PARL: variants seen among roughly 807,000 people sequenced by gnomAD.
PARL encodes presenilin associated rhomboid like.
PARL carries 44 observed loss-of-function variants against 51.6 expected under a neutral mutation model. The observed-to-expected ratio is 0.85, with a 90% CI of 0.67 to 1.10. The LOEUF (loss-of-function observed/expected upper bound fraction) is 1.10. PARL is among the 50% of genes least tolerant of loss of function. The probability of loss-of-function intolerance (pLI) is 0.00; values close to 1 mark genes in which losing one functional copy is unlikely to be tolerated. For synonymous variants in PARL, 172 were observed against 164.0 expected (o/e 1.05, Z -0.37); for missense variants, 441 against 469.5 (o/e 0.94, Z 0.56).
chr3:183,838,938 T>C (rs13088984), intron 7 of PARL, among the ~76,000 whole-genome samples: 6,823 of 152,326 alleles, frequency 0.045, 210 homozygotes, highest in East Asian at 0.079. Flanking sequence ...TAGATGTGTG[T>C]ATGTTTTCTC....
downstream of PARL, among the ~76,000 whole-genome samples, chr3:183,826,985 G>A (rs1469661850): frequency 6.6e-6 from 1 of 152,168 alleles, no homozygotes; most frequent in Non-Finnish European, 1.5e-5. Context: ...AAGTGTAATT[G>A]AACTGACAAG....
In PARL at chr3:183,851,113, T is replaced by C. The variant is rs147077454; in HGVS notation, c.512-6787A>G. Among the ~76,000 whole-genome samples, 723 of 152,322 alleles carry C rather than the reference T, an allele frequency of 4.7e-3. 7 individuals are homozygous for C. Among genetic ancestry groups the C allele is most frequent in the African/African-American group, 0.016 (670 of 41,572 alleles). On this transcript the variant is annotated intron_variant, in intron 4 of 9. Transcript: ENST00000317096. ...GGATAGCCATAAGCACAGAATGAGT[T>C]TGGACCCCTATCTCAAATCTCAAAT... is the stretch of plus-strand genomic sequence containing the variant.
chr3:183,836,938 A>G (rs575054157), intron 7 of PARL, among the ~76,000 whole-genome samples: 1 of 152,156 alleles, frequency 6.6e-6, no homozygotes, highest in Non-Finnish European at 1.5e-5. Context: ...ATGGGGTTCC[A>G]CCATGTTGGC....
Position 183,829,452 on chromosome 3 carries a change from CGGACTGGG to C in PARL, c.*138_*145del. 6.3e-7 allele frequency: 1 copy of C among 1,593,224 alleles called. No homozygotes were observed. ...TCATCATTCACATTCTAAAAAGACA[CGGACTGGG>C]GGACACAGCTGAAAACAGTGGGAGG... On this transcript the variant is annotated 3_prime_UTR_variant, in exon 10 of 10. Transcript: ENST00000317096.
intron 9 of PARL, among the ~76,000 whole-genome samples, chr3:183,832,375 C>A (rs1048152276): frequency 6.6e-6 from 1 of 151,998 alleles, no homozygotes; most frequent in Non-Finnish European, 1.5e-5. Flanking sequence ...CCCGCCACCA[C>A]GCCCGGCTAA....
intron 9 of PARL, among the ~76,000 whole-genome samples, chr3:183,832,539 A>AT (rs538278837): frequency 1.1e-3 from 161 of 152,210 alleles, no homozygotes; most frequent in African/African-American, 3.8e-3. Flanking sequence ...TTTCTTTTTA[A>AT]TAAAAAAAAA....
At chr3:183,884,547 G>C (rs1734900589) in intron 1 of PARL, among the ~76,000 whole-genome samples, 175 bp downstream of exon 1, 1 of 152,210 alleles carries the variant, frequency 6.6e-6, no homozygotes, top group Non-Finnish European at 1.5e-5. Context: ...GGCTGGGCAA[G>C]GGGAGCGAGA....
At chr3:183,857,703 T>C (rs778240317) in intron 4 of PARL, among the ~76,000 whole-genome samples, 6 of 152,204 alleles carry the variant, frequency 3.9e-5, no homozygotes, top group Non-Finnish European at 7.3e-5. Context: ...TCTGCTACCA[T>C]GCATATTTAT....
At chr3:183,857,423 T>C (rs1577341051) in intron 4 of PARL, among the ~76,000 whole-genome samples, 1 of 152,236 alleles carries the variant, frequency 6.6e-6, no homozygotes, top group East Asian at 1.9e-4. Context: ...AAAAAGAATG[T>C]AACAAACCTA....
chr3:183,857,857 G>T (rs1731344875), intron 4 of PARL, among the ~76,000 whole-genome samples: 1 of 152,286 alleles, frequency 6.6e-6, no homozygotes, highest in Admixed American at 6.5e-5. Flanking sequence ...AGGCAGTGTG[G>T]TTTATCAGAA....
At position 183,860,588 on chromosome 3, in the gene PARL, G is replaced by C. The variant is rs1731699708; in HGVS notation, c.511+2165C>G. On this transcript the variant is annotated intron_variant, in intron 4 of 9. Coordinates refer to ENST00000317096, the MANE Select transcript of PARL (RefSeq NM_018622.7). ...CTGATTTGATTTCAAAAAAGAAAAA[G>C]ACTAGGGGGAAAGAATTCTGATTTT... 2.0e-5 allele frequency among the ~76,000 whole-genome samples: 3 copies of C among 152,138 alleles called. No individual in the cohort carries two copies. In the South Asian group the frequency reaches 6.2e-4, roughly 31 times the overall value.
chr3:183,856,281 A>G (rs1277216171), intron 4 of PARL, among the ~76,000 whole-genome samples: 1 of 152,146 alleles, frequency 6.6e-6, no homozygotes, highest in East Asian at 1.9e-4. Flanking sequence ...AGCTATTCAC[A>G]GATCCCCTCT....
intron 1 of PARL, among the ~76,000 whole-genome samples, chr3:183,869,831 TC>T (rs1732967169): frequency 6.6e-6 from 1 of 152,138 alleles, no homozygotes; most frequent in Non-Finnish European, 1.5e-5. Context: ...TATTTCCAAC[TC>T]TATACTGAAT....
At chr3:183,859,509 G>T (rs1731560368) in intron 4 of PARL, among the ~76,000 whole-genome samples, 1 of 152,018 alleles carries the variant, frequency 6.6e-6, no homozygotes, top group African/African-American at 2.4e-5. Flanking sequence ...AGCTAATTTT[G>T]TATTTTTAGT....
intron 1 of PARL, among the ~76,000 whole-genome samples, chr3:183,870,438 C>CTGT (rs1196928136): frequency 4.6e-5 from 7 of 151,814 alleles, no homozygotes; most frequent in Non-Finnish European, 1.0e-4. Context: ...ACACTTTAAC[C>CTGT]TGTTGCATGT....
At chr3:183,828,275 A>G (rs1560361058), downstream of PARL, among the ~76,000 whole-genome samples, 1 of 152,228 alleles carries the variant, frequency 6.6e-6, no homozygotes, top group East Asian at 1.9e-4. Flanking sequence ...GATGTGAATT[A>G]ATGTTGGGCT....
chr3:183,828,792 A>G (rs1281253338), downstream of PARL, among the ~76,000 whole-genome samples: 4 of 152,196 alleles, frequency 2.6e-5, no homozygotes, highest in Non-Finnish European at 5.9e-5. Context: ...TGAAGCCATC[A>G]AAAGACTAAA....
At chr3:183,877,501 T>C (rs1301496416) in intron 1 of PARL, among the ~76,000 whole-genome samples, 7 of 152,206 alleles carry the variant, frequency 4.6e-5, no homozygotes, top group Admixed American at 3.3e-4. Flanking sequence ...GATAAAATGC[T>C]ATCAGACAGC....
chr3:183,881,121 ATTTT>A (rs10589229), intron 1 of PARL, among the ~76,000 whole-genome samples: 120 of 139,610 alleles, frequency 8.6e-4, no homozygotes, highest in Middle Eastern at 3.7e-3. Context: ...GCCTTTGTGC[ATTTT>A]TTTTTTTTTT....
Sources: allele counts gnomAD v4.1 joint callset (sites outside exome capture counted in the v4.1 genomes callset), GRCh38; gene constraint gnomAD v4.1.1; transcripts MANE v1.5; gene names NCBI Gene and HGNC (gene_info 2026-07-23, HGNC 2026-07-21).